Variants in TSHZ2 observed in about 807,000 individuals in gnomAD.
TSHZ2 encodes teashirt zinc finger homeobox 2.
Under a neutral mutation model 74.4 loss-of-function variants are expected in TSHZ2, and 21 were observed. The observed-to-expected ratio is 0.28, with a 90% CI of 0.20 to 0.41. TSHZ2 has a LOEUF of 0.41. Among genes scored for constraint, TSHZ2 ranks in the 10% least tolerant of loss-of-function variants. The pLI is 1.00. For missense variants in TSHZ2, 1,244 were observed against 1,293.5 expected (o/e 0.96, Z 0.59); for synonymous variants, 540 against 515.3 (o/e 1.05, Z -0.65).
At chr20:53,290,340 C>T (rs1197404503) in intron 2 of TSHZ2, among the ~76,000 whole-genome samples, 1 of 151,956 alleles carries the variant, frequency 6.6e-6, no homozygotes, top group East Asian at 1.9e-4. Flanking sequence ...TTGGTGGATT[C>T]ATGATCATCC....
At chr20:53,104,579 AG>A (rs1334491357) in intron 1 of TSHZ2, among the ~76,000 whole-genome samples, 2 of 152,166 alleles carry the variant, frequency 1.3e-5, no homozygotes, top group African/African-American at 4.8e-5. Context: ...ATCCGACTGA[AG>A]AAAAAGGACA....
intron 2 of TSHZ2, among the ~76,000 whole-genome samples, chr20:53,448,162 G>T (rs561678767): frequency 5.9e-5 from 9 of 152,222 alleles, no homozygotes; most frequent in African/African-American, 2.2e-4. Context: ...CGCCCACCTC[G>T]GCCTCCTGGA....
intron 1 of TSHZ2, among the ~76,000 whole-genome samples, chr20:53,237,792 A>G (rs1989974409): frequency 6.6e-6 from 1 of 152,188 alleles, no homozygotes; most frequent in South Asian, 2.1e-4. Context: ...TTGACCCAGT[A>G]GACTGTACCA....
chr20:53,224,453 C>T (rs1568821615), intron 1 of TSHZ2, among the ~76,000 whole-genome samples: 1 of 152,212 alleles, frequency 6.6e-6, no homozygotes, highest in Non-Finnish European at 1.5e-5. Flanking sequence ...TTCCCATCTA[C>T]ACAATGAGAA....
chr20:53,368,724 C>G (rs1981364397), intron 2 of TSHZ2, among the ~76,000 whole-genome samples: 1 of 152,194 alleles, frequency 6.6e-6, no homozygotes, highest in South Asian at 2.1e-4. Context: ...TAAAGATGCT[C>G]TGGGAGGTTT....
chr20:53,149,551 A>G (rs1237208006), intron 1 of TSHZ2, among the ~76,000 whole-genome samples: 3 of 152,194 alleles, frequency 2.0e-5, no homozygotes, highest in Non-Finnish European at 4.4e-5. Context: ...GTTCAGTTCT[A>G]GTGTGTGCAT....
intron 1 of TSHZ2, among the ~76,000 whole-genome samples, chr20:52,987,007 G>C (rs1409224794): frequency 6.6e-6 from 1 of 152,152 alleles, no homozygotes; most frequent in Non-Finnish European, 1.5e-5. Flanking sequence ...CAATGCCAGG[G>C]CAGGGCAAGG....
At chr20:53,155,068 T>C (rs1448208749) in intron 1 of TSHZ2, among the ~76,000 whole-genome samples, 1 of 150,884 alleles carries the variant, frequency 6.6e-6, no homozygotes, top group African/African-American at 2.4e-5. Context: ...TTTTTTTTTT[T>C]TTTTTTTAGT....
intron 2 of TSHZ2, among the ~76,000 whole-genome samples, chr20:53,434,896 C>G (rs1343759357): frequency 6.6e-6 from 1 of 152,246 alleles, no homozygotes; most frequent in African/African-American, 2.4e-5. Flanking sequence ...GGCCTCAGCT[C>G]CTCGAGCGTG....
chr20:53,460,194 C>T (rs1017016716), intron 2 of TSHZ2, among the ~76,000 whole-genome samples: 1 of 151,740 alleles, frequency 6.6e-6, no homozygotes, highest in Non-Finnish European at 1.5e-5. Context: ...TCAGGTACAC[C>T]AATCAGACGT....
intron 1 of TSHZ2, among the ~76,000 whole-genome samples, chr20:53,188,493 G>T (rs1483351436): frequency 6.6e-6 from 1 of 152,160 alleles, no homozygotes; most frequent in Non-Finnish European, 1.5e-5. Flanking sequence ...TTTTGGTGAT[G>T]AGTCCATACT....
At chr20:53,266,645 A>G (rs1160465844) in intron 2 of TSHZ2, among the ~76,000 whole-genome samples, 3 of 152,184 alleles carry the variant, frequency 2.0e-5, no homozygotes, top group African/African-American at 7.2e-5. Context: ...CATAAATCCA[A>G]AAGTGTTTGT....
At chr20:53,018,687 C>A (rs1983127209) in intron 1 of TSHZ2, among the ~76,000 whole-genome samples, 1 of 152,188 alleles carries the variant, frequency 6.6e-6, no homozygotes, top group South Asian at 2.1e-4. Flanking sequence ...TGCTGTGCTT[C>A]CCGTAGGCAA....
intron 1 of TSHZ2, among the ~76,000 whole-genome samples, chr20:53,239,424 A>G (rs1339314532): frequency 1.3e-5 from 2 of 152,190 alleles, no homozygotes; most frequent in African/African-American, 4.8e-5. Flanking sequence ...AAAGAAGAAC[A>G]TTTATAGAGT....
At chr20:53,185,357 C>G in intron 1 of TSHZ2, 1 of 1,161,792 alleles carries the variant, frequency 8.6e-7, no homozygotes, top group Non-Finnish European at 1.1e-6. Context: ...CTGTTTGCTC[C>G]AAAATTGGTG....
At chr20:53,478,981 A>G (rs1234156499) in intron 2 of TSHZ2, among the ~76,000 whole-genome samples, 1 of 152,108 alleles carries the variant, frequency 6.6e-6, no homozygotes, top group Non-Finnish European at 1.5e-5. Flanking sequence ...TCTGGTCAAC[A>G]TGGTGAAACC....
At chr20:53,117,263 A>G (rs1367976642) in intron 1 of TSHZ2, among the ~76,000 whole-genome samples, 1 of 152,220 alleles carries the variant, frequency 6.6e-6, no homozygotes, top group African/African-American at 2.4e-5. Flanking sequence ...TTCCTGGCCA[A>G]TATCATCACT....
chr20:53,228,526 G>C (rs1401340857), intron 1 of TSHZ2, among the ~76,000 whole-genome samples: 1 of 152,224 alleles, frequency 6.6e-6, no homozygotes, highest in Non-Finnish European at 1.5e-5. Flanking sequence ...GTAATTCTCT[G>C]TTTTGGGGCT....
At chr20:53,414,202 A>G (rs1457532278) in intron 2 of TSHZ2, among the ~76,000 whole-genome samples, 1 of 152,228 alleles carries the variant, frequency 6.6e-6, no homozygotes, top group Non-Finnish European at 1.5e-5. Context: ...TTATGTAGAG[A>G]ACATTTCTGG....
Sources: allele counts gnomAD v4.1 joint callset (sites outside exome capture counted in the v4.1 genomes callset), GRCh38; gene constraint gnomAD v4.1.1; transcripts MANE v1.5; gene names NCBI Gene and HGNC (gene_info 2026-07-23, HGNC 2026-07-21).